The following ELMO1 variants were observed in gnomAD, a reference collection of about 807,000 sequenced individuals.
ELMO1 encodes engulfment and cell motility protein 1.
Under a neutral mutation model 98.9 loss-of-function variants are expected in ELMO1, and 26 were observed. The ratio of observed to expected loss-of-function variants is 0.26; its 90% CI spans 0.19 to 0.36. ELMO1 has a LOEUF of 0.36. ELMO1 is among the 10% of genes least tolerant of loss of function. ELMO1 has a pLI of 1.00. For missense variants in ELMO1, 627 were observed against 935.2 expected, an observed-to-expected ratio of 0.67 and a Z score of 4.30; for synonymous variants, 346 against 346.0, an observed-to-expected ratio of 1.00 and a Z score of 0.00.
intron 16 of ELMO1, among the ~76,000 whole-genome samples, chr7:37,002,871 T>G (rs1792780505): frequency 6.6e-6 from 1 of 152,162 alleles, no homozygotes; most frequent in Non-Finnish European, 1.5e-5. Flanking sequence ...GATAGGCAAT[T>G]GCAGTTCACT....
At position 36,878,055 on chromosome 7, in the gene ELMO1, C is replaced by T; in HGVS notation, c.1777G>A (p.Glu593Lys). The T allele has an allele frequency of 6.2e-7, 1 of 1,614,142 alleles. No individual in the cohort carries two copies. The highest frequency in any genetic ancestry group is 8.5e-7 in the Non-Finnish European group (1 of 1,179,974). Reference sequence around the variant, plus strand: ...TGGGGCACTTCTCCCTGAGGACTCTCTTCTAAGTCTCCGTAATGCAGGACT... The same window carrying T: ...TGGGGCACTTCTCCCTGAGGACTCTTTTCTAAGTCTCCGTAATGCAGGACT... ...HKVLHYGDLE[E>K]SPQGEVPHDS... The change falls in exon 19 of 22, where the codon GAG becomes AAG. Residue 593 changes from glutamate (E) to lysine (K), a missense_variant. Glu to Lys is a moderately conservative substitution (Grantham distance 56). Around this residue, in one of 3 missense-constraint regions of ELMO1, gnomAD observed 492 missense variants for 715.6 expected, o/e 0.69. Transcript: ENST00000310758.
At chr7:37,083,849 A>G (rs1028928134) in intron 15 of ELMO1, among the ~76,000 whole-genome samples, 2 of 152,168 alleles carry the variant, frequency 1.3e-5, no homozygotes, top group Non-Finnish European at 2.9e-5. Context: ...CCTGCTGAGG[A>G]GGAGGCATCT....
intron 13 of ELMO1, among the ~76,000 whole-genome samples, chr7:37,141,605 T>G (rs1443240434): frequency 6.6e-6 from 1 of 152,184 alleles, no homozygotes; most frequent in Admixed American, 6.5e-5. Context: ...TCCCACAGGT[T>G]AAACAGATGA....
At chr7:37,318,241 T>C (rs1799310049) in intron 2 of ELMO1, among the ~76,000 whole-genome samples, 1 of 152,162 alleles carries the variant, frequency 6.6e-6, no homozygotes, top group Admixed American at 6.5e-5. Context: ...CTTATTTCCA[T>C]AAGACAAGAA....
chr7:36,986,646 C>T (rs1791532446), intron 16 of ELMO1: 1 of 152,186 alleles, frequency 6.6e-6, no homozygotes, highest in African/African-American at 2.4e-5. Flanking sequence ...CAACTGCAAT[C>T]TCATCTCTTC....
intron 2 of ELMO1, among the ~76,000 whole-genome samples, chr7:37,317,479 AG>A (rs1444087426): frequency 2.6e-5 from 4 of 152,264 alleles, no homozygotes; most frequent in Admixed American, 6.5e-5. Context: ...TACACAATGA[AG>A]TATTCAGCCA....
chr7:37,424,946 A>G (rs1804640412), intron 1 of ELMO1, among the ~76,000 whole-genome samples: 1 of 152,116 alleles, frequency 6.6e-6, no homozygotes, highest in Admixed American at 6.5e-5. Flanking sequence ...TATTCAACGA[A>G]TATTTATTGA....
At chr7:37,014,701 C>G (rs975197826) in intron 15 of ELMO1, among the ~76,000 whole-genome samples, 1 of 152,048 alleles carries the variant, frequency 6.6e-6, no homozygotes, top group Non-Finnish European at 1.5e-5. Context: ...GTTTAACTCC[C>G]ACTTCTGAGT....
intron 13 of ELMO1, among the ~76,000 whole-genome samples, chr7:37,180,052 TGAAA>T (rs1790746160): frequency 7.1e-6 from 1 of 141,250 alleles, no homozygotes; most frequent in African/African-American, 3.0e-5. Flanking sequence ...CCACACAATA[TGAAA>T]GAATGATTTT....
chr7:37,090,534 T>C (rs1254400483), intron 15 of ELMO1, among the ~76,000 whole-genome samples: 1 of 152,194 alleles, frequency 6.6e-6, no homozygotes, highest in Non-Finnish European at 1.5e-5. Context: ...ACCCTCTGCA[T>C]TAACTACATG....
At chr7:37,221,944 T>C (rs62459315) in intron 10 of ELMO1, among the ~76,000 whole-genome samples, 32,108 of 152,040 alleles carry the variant, frequency 0.21, 3,557 homozygotes, top group Middle Eastern at 0.3. Flanking sequence ...GTGATCTGCC[T>C]ACCTTGGCTT....
intron 13 of ELMO1, among the ~76,000 whole-genome samples, chr7:37,155,354 G>GTT (rs1201454843): frequency 1.3e-5 from 2 of 152,022 alleles, no homozygotes; most frequent in Admixed American, 6.5e-5. Flanking sequence ...CTAATTAAAA[G>GTT]ACACAGACTG....
chr7:36,918,593 G>C (rs1307070357), intron 16 of ELMO1, among the ~76,000 whole-genome samples: 1 of 152,118 alleles, frequency 6.6e-6, no homozygotes, highest in Non-Finnish European at 1.5e-5. Flanking sequence ...GGAGGAATAG[G>C]GGCCAGGGCC....
At chr7:37,274,251 A>G (rs12531752) in intron 4 of ELMO1, among the ~76,000 whole-genome samples, 11,027 of 152,308 alleles carry the variant, frequency 0.072, 528 homozygotes, top group African/African-American at 0.11. Context: ...GATGGCAAAT[A>G]CTAACAACAG....
chr7:36,959,969 G>T (rs781078331), intron 16 of ELMO1, among the ~76,000 whole-genome samples: 74 of 152,176 alleles, frequency 4.9e-4, no homozygotes, highest in Non-Finnish European at 6.2e-4. Context: ...AAACAAGGAA[G>T]ATTAACTCCC....
intron 4 of ELMO1, among the ~76,000 whole-genome samples, chr7:37,274,246 C>T (rs1239942027): frequency 6.6e-6 from 1 of 152,196 alleles, no homozygotes; most frequent in African/African-American, 2.4e-5. Context: ...AGGAAGATGG[C>T]AAATACTAAC....
At chr7:37,142,546 C>T (rs527262566) in intron 13 of ELMO1, among the ~76,000 whole-genome samples, 1 of 152,316 alleles carries the variant, frequency 6.6e-6, no homozygotes, top group East Asian at 1.9e-4. Context: ...CAATATGTCT[C>T]AACTATGTTT....
At chr7:37,225,306 A>G (rs1451456894) in intron 8 of ELMO1, among the ~76,000 whole-genome samples, 2 of 152,220 alleles carry the variant, frequency 1.3e-5, no homozygotes, top group Non-Finnish European at 2.9e-5. Context: ...ATTTCCTAGG[A>G]TTATTCTCCT....
At chr7:37,362,201 C>G (rs1012753083) in intron 1 of ELMO1, among the ~76,000 whole-genome samples, 2 of 150,094 alleles carry the variant, frequency 1.3e-5, no homozygotes, top group Non-Finnish European at 3.0e-5. Context: ...TATTGTACCT[C>G]AATAGAAATG....
Sources: allele counts gnomAD v4.1 joint callset (sites outside exome capture counted in the v4.1 genomes callset), GRCh38; gene constraint gnomAD v4.1.1; regional missense constraint gnomAD v4.1.1; transcripts MANE v1.5; gene names NCBI Gene and HGNC (gene_info 2026-07-23, HGNC 2026-07-21).